GRHL1: variants seen among roughly 807,000 people sequenced by gnomAD.
The protein encoded by GRHL1 is grainyhead-like protein 1 homolog.
GRHL1 carries 38 observed loss-of-function variants against 75.7 expected under a neutral mutation model. The ratio of observed to expected loss-of-function variants is 0.50; its 90% CI spans 0.39 to 0.66. The LOEUF is 0.66. Among genes scored for constraint, GRHL1 ranks in the 30% least tolerant of loss-of-function variants. GRHL1 has a pLI of 0.00. For missense variants in GRHL1, 589 were observed against 767.5 expected (o/e 0.77, Z 2.75); for synonymous variants, 266 against 279.4 (o/e 0.95, Z 0.48).
At chr2:9,962,911 T>A (rs923188046) in intron 5 of GRHL1, among the ~76,000 whole-genome samples, 19 of 151,688 alleles carry the variant, frequency 1.3e-4, no homozygotes, top group African/African-American at 3.1e-4. Flanking sequence ...TTTTTTTTTT[T>A]AAAATCAGCC....
Position 9,992,114 on chromosome 2 carries a change from G to T in GRHL1, c.1429G>T (p.Val477Leu), listed in dbSNP as rs751933053. The change falls in exon 11 of 16, where the codon GTG becomes TTG. Residue 477 changes from valine (V) to leucine (L), a missense_variant. Around this residue, in one of 5 missense-constraint regions of GRHL1, gnomAD observed 192 missense variants for 226.6 expected, o/e 0.85. Transcript: ENST00000324907. This position sits in a 1 kb window ranked among gnomAD's most constrained non-coding sequence, Gnocchi z 4.6. Reference protein sequence around the residue: ...DTQPVLFIPDVHFANLQRGTH... With the variant: ...DTQPVLFIPDLHFANLQRGTH... ...TCAGCCTGTCCTCTTCATTCCTGACGTGCACTTTGCCAACTTGCAGCGGGG... is the reference window on the plus strand; with the variant it reads ...TCAGCCTGTCCTCTTCATTCCTGACTTGCACTTTGCCAACTTGCAGCGGGG... 1 of 1,612,944 alleles carries T rather than the reference G, an allele frequency of 6.2e-7. No homozygotes were observed. Among genetic ancestry groups the T allele is most frequent in the Non-Finnish European group, 8.5e-7 (1 of 1,179,596 alleles).
Position 9,991,993 on chromosome 2 carries a change from T to G in GRHL1, c.1322-14T>G. The G allele has an allele frequency of 6.5e-7, 1 of 1,545,122 alleles. No homozygotes were observed. Among genetic ancestry groups the G allele is most frequent in the Non-Finnish European group, 8.7e-7 (1 of 1,144,782 alleles). ...GACCTTGGCTTCCTCTTTTTTAATT[T>G]TTTTTTTTTTCAGTTTCTGATGTTA... is the stretch of plus-strand genomic sequence containing the variant. On this transcript the variant is annotated splice_polypyrimidine_tract_variant and intron_variant, in intron 10 of 15. Transcript: ENST00000324907.
chr2:9,984,118 C>T lies in GRHL1; in HGVS notation c.1111-2006C>T, dbSNP rs184879836. Among the ~76,000 whole-genome samples the T allele has an allele frequency of 1.2e-4, 19 of 152,020 alleles. No individual in the cohort carries two copies. In the East Asian group the frequency reaches 3.7e-3, roughly 29 times the overall value. On this transcript the variant is annotated intron_variant, in intron 8 of 15. Transcript: ENST00000324907. ...GCAGGGTTGCTGTGAGCCGAGATTGCGCCATTGCACTCCAGCCTGGGCAAC... is the reference window on the plus strand; with the variant it reads ...GCAGGGTTGCTGTGAGCCGAGATTGTGCCATTGCACTCCAGCCTGGGCAAC...
rs1257813433 is a variant in GRHL1 at position 9,987,099 on chromosome 2, C to G, written c.1269+817C>G. Among the ~76,000 whole-genome samples the G allele has an allele frequency of 6.6e-6, 1 of 152,050 alleles. No individual in the cohort carries two copies. The highest frequency in any genetic ancestry group is 2.4e-5 in the African/African-American group (1 of 41,394). On this transcript the variant is annotated intron_variant, in intron 9 of 15. Coordinates refer to ENST00000324907, the MANE Select transcript of GRHL1 (RefSeq NM_198182.3). This position sits in a 1 kb window ranked among gnomAD's most constrained non-coding sequence, Gnocchi z 4.2. The stretch of plus-strand genomic sequence containing the variant: ...GTTCAAATGATTCTTGTGCCTCAGC[C>G]TCTCCAGTAGCTGGGATTACAGATG...
chr2:9,958,191 T>TTTTA (rs1667116609), intron 2 of GRHL1, among the ~76,000 whole-genome samples: 1 of 150,680 alleles, frequency 6.6e-6, no homozygotes, highest in African/African-American at 2.4e-5. Flanking sequence ...TTTTTTTTTT[T>TTTTA]GAGTCAGGAA....
chr2:9,954,885 G>T (rs770914201), intron 1 of GRHL1, 30 bp from the exon 2 acceptor site: 1 of 1,579,294 alleles, frequency 6.3e-7, no homozygotes, highest in Non-Finnish European at 8.7e-7. Flanking sequence ...AAAAGTGTGT[G>T]TTTTTGTTTT....
chr2:9,952,673 C>T (rs1195611454), intron 1 of GRHL1, among the ~76,000 whole-genome samples: 1 of 152,144 alleles, frequency 6.6e-6, no homozygotes, highest in Non-Finnish European at 1.5e-5. Context: ...TTCTTTGCAG[C>T]TTTTCTGAAA....
At chr2:9,998,150 G>GTGA (rs1474384806) in intron 14 of GRHL1, among the ~76,000 whole-genome samples, 3 of 152,152 alleles carry the variant, frequency 2.0e-5, no homozygotes, top group African/African-American at 7.2e-5. Flanking sequence ...GGTGAAGCTG[G>GTGA]TGATGCCAGC....
intron 8 of GRHL1, among the ~76,000 whole-genome samples, chr2:9,983,622 C>T (rs1011425486): frequency 1.3e-5 from 2 of 152,068 alleles, no homozygotes; most frequent in African/African-American, 4.8e-5. Context: ...TTCCTGGAAT[C>T]GTGAGGATGA....
intron 8 of GRHL1, chr2:9,966,503 A>T (rs1309899883): frequency 6.6e-6 from 1 of 152,152 alleles, no homozygotes; most frequent in African/African-American, 2.4e-5. Flanking sequence ...TAGGTATAGC[A>T]TTCTCTCAGA....
chr2:9,981,606 A>G (rs1440831299), intron 8 of GRHL1, among the ~76,000 whole-genome samples: 1 of 152,254 alleles, frequency 6.6e-6, no homozygotes, highest in East Asian at 1.9e-4. Flanking sequence ...GAGTAGTTGC[A>G]TATGACCTAC....
intron 15 of GRHL1, among the ~76,000 whole-genome samples, chr2:9,999,614 A>G (rs3791750): frequency 0.41 from 62,643 of 152,164 alleles, 13,589 homozygotes; most frequent in African/African-American, 0.54. Flanking sequence ...TCTGCAGCCC[A>G]TGCCCTGCTC....
Position 9,951,694 on chromosome 2 carries a change from G to T in GRHL1, c.-140G>T. 1.3e-6 allele frequency: 1 copy of T among 750,318 alleles called. No individual in the cohort carries two copies. The highest frequency in any genetic ancestry group is 1.7e-5 in the South Asian group (1 of 57,910). 46.5% of individuals were successfully genotyped at this position (750,318 alleles called of 1,614,324 possible). ...GCGCAGCCCGCGCGGAGCCGGCTCA[G>T]AGCGAGAAAAGCAAACCCAACCCGT... On this transcript the variant is annotated 5_prime_UTR_variant, in exon 1 of 16. Transcript: ENST00000324907. This position sits in a 1 kb window ranked among gnomAD's most constrained non-coding sequence, Gnocchi z 4.2.
chr2:9,975,563 T>C (rs2125224962), intron 8 of GRHL1, among the ~76,000 whole-genome samples: 1 of 151,850 alleles, frequency 6.6e-6, no homozygotes, highest in African/African-American at 2.4e-5. Context: ...GACCTAGGAG[T>C]TCAAGTCAGC....
chr2:9,958,260 C>T (rs1010925475), intron 2 of GRHL1, among the ~76,000 whole-genome samples: 2 of 151,214 alleles, frequency 1.3e-5, no homozygotes, highest in African/African-American at 2.4e-5. Context: ...TCACTGTAAC[C>T]TCTGCCTCCG....
rs149979302 is a variant in GRHL1 at position 9,991,852 on chromosome 2, C to T, written c.1322-155C>T. 4.1e-3 allele frequency among the ~76,000 whole-genome samples: 621 copies of T among 152,318 alleles called. 2 individuals carry two copies. The highest frequency in any genetic ancestry group is 0.014 in the African/African-American group (577 of 41,566). ...CACACAACAAATTCCTTTACATAAA[C>T]TGGGATTCTTAGGCAGGCAGCGTGC... On this transcript the variant is annotated intron_variant, in intron 10 of 15. Transcript: ENST00000324907.
Position 9,990,610 on chromosome 2 carries a change from T to G in GRHL1, c.1270-86T>G, listed in dbSNP as rs1352998375. The G allele has an allele frequency of 1.3e-5, 9 of 718,436 alleles. No individual in the cohort carries two copies. Among genetic ancestry groups the G allele is most frequent in the African/African-American group, 7.1e-5 (4 of 56,100 alleles). 44.5% of individuals were successfully genotyped at this position (718,436 alleles called of 1,614,324 possible). A position where few individuals can be genotyped will look rare whatever the true frequency, so the allele number is the denominator to read the frequency against. On this transcript the variant is annotated intron_variant, in intron 9 of 15. Transcript: ENST00000324907. The surrounding 1 kb of genome is among the most constrained non-coding windows in gnomAD (Gnocchi z 4.2). ...CCTGTCCAGAGAAGGGAGAAAGGCTTCTTCTTCCATTGGTCAGGATAAGAG... is the reference window on the plus strand; with the variant it reads ...CCTGTCCAGAGAAGGGAGAAAGGCTGCTTCTTCCATTGGTCAGGATAAGAG...
chr2:9,996,784 A>C (rs577213873), intron 14 of GRHL1, among the ~76,000 whole-genome samples: 1 of 152,362 alleles, frequency 6.6e-6, no homozygotes, highest in East Asian at 1.9e-4. Flanking sequence ...TAAAACTCCC[A>C]ATCCTAGGAA....
intron 10 of GRHL1, among the ~76,000 whole-genome samples, chr2:9,991,673 A>G (rs1668647700): frequency 6.6e-6 from 1 of 152,260 alleles, no homozygotes; most frequent in African/African-American, 2.4e-5. Flanking sequence ...CTTCCAAATT[A>G]TGTTTACACA....
Sources: allele counts gnomAD v4.1 joint callset (sites outside exome capture counted in the v4.1 genomes callset), GRCh38; gene constraint gnomAD v4.1.1; regional missense constraint gnomAD v4.1.1; non-coding constraint Gnocchi (gnomAD v3.1); transcripts MANE v1.5; gene names NCBI Gene and HGNC (gene_info 2026-07-23, HGNC 2026-07-21).